The following ADAMTS1 variants were observed in gnomAD, a reference collection of about 807,000 sequenced individuals.
ADAMTS1 encodes the protein ADAM metallopeptidase with thrombospondin type 1 motif 1.
In ADAMTS1, 19 loss-of-function variants were observed where a neutral mutation model predicts 87.9. That is an observed-to-expected ratio of 0.22 (90% CI 0.15 to 0.32). The LOEUF is 0.32. Among genes scored for constraint, ADAMTS1 ranks in the 10% least tolerant of loss-of-function variants. The pLI is 1.00. For synonymous variants in ADAMTS1, 542 were observed against 501.8 expected, an observed-to-expected ratio of 1.08 and a Z score of -1.07; for missense variants, 1,240 against 1,259.1, an observed-to-expected ratio of 0.98 and a Z score of 0.23.
chr21:26,841,502 A>G, intron 3 of ADAMTS1: 1 of 253,478 alleles, frequency 3.9e-6, no homozygotes. Context: ...ATAAAATAAA[A>G]TATGGATGAT....
At chr21:26,842,312 T>A in intron 2 of ADAMTS1, 27 bp downstream of exon 2, 1 of 1,601,664 alleles carries the variant, frequency 6.2e-7, no homozygotes, top group Non-Finnish European at 8.5e-7. Flanking sequence ...GAGGACAGTC[T>A]CACAGCTGGT....
chr21:26,838,308 C>G (rs1568809595), intron 8 of ADAMTS1, 30 bp from the exon 9 acceptor site: 1 of 1,580,704 alleles, frequency 6.3e-7, no homozygotes, highest in Admixed American at 1.8e-5. Context: ...GCATAAATCT[C>G]TGATTCATTG....
At position 26,839,689 on chromosome 21, in the gene ADAMTS1, C is replaced by T. The variant is rs371016638; in HGVS notation, c.1926G>A (p.Ala642=). The change falls in exon 7 of 9, where the codon GCG becomes GCA. Residue 642 remains alanine, a synonymous_variant. Transcript: ENST00000284984. ...FSKASFGSGP[A]VEWIPKYAGV... ...CAGCGTACTTGGGAATCCATTCCAC[C>T]GCAGGCCCACTCCCAAAGGAAGCTT... The T allele has an allele frequency of 4.6e-5, 75 of 1,613,692 alleles. No homozygotes were observed. The highest frequency in any genetic ancestry group is 1.6e-4 in the Middle Eastern group (1 of 6,082).
In ADAMTS1 at chr21:26,836,974, A is replaced by G. The variant is rs948472933; in HGVS notation, c.*605T>C. Reference sequence around the variant, plus strand: ...AGATGGTCCAAAAAAGGAAAGAGGAAGCCATTTGCGTTATTTCACGTTGCT... The same window carrying G: ...AGATGGTCCAAAAAAGGAAAGAGGAGGCCATTTGCGTTATTTCACGTTGCT... On this transcript the variant is annotated 3_prime_UTR_variant, in exon 9 of 9. Coordinates refer to ENST00000284984, the MANE Select transcript of ADAMTS1 (RefSeq NM_006988.5). 1.3e-5 allele frequency: 2 copies of G among 152,390 alleles called. No individual in the cohort carries two copies. The highest frequency in any genetic ancestry group is 6.5e-5 in the Admixed American group (1 of 15,312). 9.4% of individuals were successfully genotyped at this position (152,390 alleles called of 1,614,324 possible).
intron 1 of ADAMTS1, among the ~76,000 whole-genome samples, 183 bp downstream of exon 1, chr21:26,844,042 G>T (rs1385434626): frequency 1.3e-5 from 2 of 152,176 alleles, no homozygotes. Flanking sequence ...GCAAATGCAA[G>T]TATGTTTTCT....
At chr21:26,841,787 C>T in intron 3 of ADAMTS1, 71 bp downstream of exon 3, 2 of 1,526,436 alleles carry the variant, frequency 1.3e-6, no homozygotes, top group East Asian at 2.3e-5. Context: ...CCTACAGACT[C>T]TCCTTCTTAT....
Position 26,838,469 on chromosome 21 carries a change from T to C in ADAMTS1, c.2174A>G (p.Lys725Arg), listed in dbSNP as rs1319042544. The C allele has an allele frequency of 3.7e-6, 6 of 1,614,248 alleles. No homozygotes were observed. The highest frequency in any genetic ancestry group is 5.1e-6 in the Non-Finnish European group (6 of 1,180,048). The part of the protein sequence containing the change: ...GVCGGNGSTC[K>R]KISGSVTSAK... ...ACTAGTAACTGATCCTGATATTTTT[T>C]TACAAGTAGATCCATTTCCCCCGCA... Residue 725 changes from lysine to arginine, a missense_variant, in exon 8 of 9, where the codon AAA becomes AGA. This residue lies in a region of ADAMTS1 where 402 missense variants were observed against 399.1 expected (regional missense o/e 1.01). Transcript: ENST00000284984.
Position 26,838,275 on chromosome 21 carries a change from A to T in ADAMTS1, c.2208T>A (p.Pro736=). ...GAATTGTGATGATATCATGATATCCAGGTCTGCAGGTGACAAAAACAGGCA... is the reference window on the plus strand; with the variant it reads ...GAATTGTGATGATATCATGATATCCTGGTCTGCAGGTGACAAAAACAGGCA... The part of the protein sequence containing the change: ...KISGSVTSAK[P]GYHDIITIPT... The change falls in exon 9 of 9, where the codon CCT becomes CCA. Residue 736 remains proline, a synonymous_variant. Coordinates refer to ENST00000284984, the MANE Select transcript of ADAMTS1 (RefSeq NM_006988.5). The T allele has an allele frequency of 6.3e-7, 1 of 1,598,922 alleles. No individual in the cohort carries two copies. The highest frequency in any genetic ancestry group is 8.5e-7 in the Non-Finnish European group (1 of 1,171,144).
chr21:26,837,363 G>C lies in ADAMTS1; in HGVS notation c.*216C>G. 1.8e-6 allele frequency: 1 copy of C among 565,118 alleles called. No homozygotes were observed. Among genetic ancestry groups the C allele is most frequent in the East Asian group, 2.8e-5 (1 of 35,302 alleles). The allele number at this position is 565,118 out of a possible 1,614,324, so 35.0% of individuals were successfully genotyped here. The stretch of plus-strand genomic sequence containing the variant: ...TTATTATGCTATATCACTGCTCAGA[G>C]GTTAATAATCCTCACTAACTATCCT... On this transcript the variant is annotated 3_prime_UTR_variant, in exon 9 of 9. Coordinates refer to ENST00000284984, the MANE Select transcript of ADAMTS1 (RefSeq NM_006988.5).
At chr21:26,838,755 T>TAA in intron 7 of ADAMTS1, 141 bp from the exon 8 acceptor site, 2 of 773,780 alleles carry the variant, frequency 2.6e-6, no homozygotes, top group Non-Finnish European at 4.0e-6. Flanking sequence ...ATTTCATGCA[T>TAA]TTACCCTTCA....
chr21:26,839,328 A>G, intron 7 of ADAMTS1: 1 of 329,788 alleles, frequency 3.0e-6, no homozygotes, highest in Non-Finnish European at 5.5e-6. Context: ...TTGACTGTCC[A>G]AAAAGCTTTT....
Position 26,838,085 on chromosome 21 carries a change from T to C in ADAMTS1, c.2398A>G (p.Arg800Gly). The change falls in exon 9 of 9, where the codon AGG becomes GGG. Residue 800 changes from arginine (R) to glycine (G), a missense_variant. By Grantham distance (125) the Arg-to-Gly change is moderately radical. Around this residue, in one of 3 missense-constraint regions of ADAMTS1, gnomAD observed 402 missense variants for 399.1 expected, o/e 1.01. Transcript: ENST00000284984. The stretch of plus-strand genomic sequence containing the variant: ...AATGCCGCAGAGGAGCCGCTGTACC[T>C]CAAGACAACACCTTTGTACATAATG... ...QDIMYKGVVLRYSGSSAALER... is the reference protein window; with the variant it reads ...QDIMYKGVVLGYSGSSAALER... 1 of 1,614,148 alleles carries C rather than the reference T, an allele frequency of 6.2e-7. No homozygotes were observed. Among genetic ancestry groups the C allele is most frequent in the Non-Finnish European group, 8.5e-7 (1 of 1,180,016 alleles).
rs1985572754 is a variant in ADAMTS1, at chr21:26,844,533, A to G, written c.422T>C (p.Leu141Pro). The G allele has an allele frequency of 1.2e-6, 2 of 1,604,460 alleles. No homozygotes were observed. The change falls in exon 1 of 9, where the codon CTC becomes CCC. Residue 141 changes from leucine to proline, a missense_variant. This residue lies in a region of ADAMTS1 where 521 missense variants were observed against 449.7 expected (regional missense o/e 1.16). Transcript: ENST00000284984. ...GAAGGCGCCGCGCACGCCCTCGCAG[A>G]GGCTGAGGGCGGCAGCCGAGCTGGG... ...GDPSSAAALS[L>P]CEGVRGAFYL...
chr21:26,841,004 C>T lies in ADAMTS1; in HGVS notation c.1372G>A (p.Gly458Ser). ...AYMITSFLDN[G>S]HGECLMDKPQ... Reference sequence around the variant, plus strand: ...AGTAGCTGGAATATCTCACCATGACCATTATCCAGAAATGATGTAATCATG... The same window carrying T: ...AGTAGCTGGAATATCTCACCATGACTATTATCCAGAAATGATGTAATCATG... The change falls in exon 4 of 9, where the codon GGT becomes AGT. Residue 458 changes from glycine to serine, a missense_variant. Around this residue, in one of 3 missense-constraint regions of ADAMTS1, gnomAD observed 317 missense variants for 410.3 expected, o/e 0.77. Coordinates refer to ENST00000284984, the MANE Select transcript of ADAMTS1 (RefSeq NM_006988.5). The T allele has an allele frequency of 6.2e-7, 1 of 1,613,788 alleles. No homozygotes were observed. The highest frequency in any genetic ancestry group is 8.5e-7 in the Non-Finnish European group (1 of 1,179,744).
chr21:26,839,926 T>G lies in ADAMTS1; in HGVS notation c.1801A>C (p.Lys601Gln). 6.2e-7 allele frequency: 1 copy of G among 1,614,148 alleles called. No homozygotes were observed. Among genetic ancestry groups the G allele is most frequent in the Non-Finnish European group, 8.5e-7 (1 of 1,180,032 alleles). Residue 601 changes from lysine (K) to glutamine (Q), a missense_variant, in exon 6 of 9, where the codon AAA (lysine) becomes CAA (glutamine). Around this residue, in one of 3 missense-constraint regions of ADAMTS1, gnomAD observed 317 missense variants for 410.3 expected, o/e 0.77. Coordinates refer to ENST00000284984, the MANE Select transcript of ADAMTS1 (RefSeq NM_006988.5). ...TTACAGGATCTGTAGCGCACTCGTT[T>G]GCCTTCACAGTACTTCCCTCCATTC... ...PKNGGKYCEG[K>Q]RVRYRSCNLE...
chr21:26,837,715 G>GTCTT lies in ADAMTS1; in HGVS notation c.2764_2767dup (p.Thr923LysfsTer18). 6.2e-7 allele frequency: 1 copy of GTCTT among 1,614,130 alleles called. No homozygotes were observed. The highest frequency in any genetic ancestry group is 8.5e-7 in the Non-Finnish European group (1 of 1,180,030). On this transcript the variant is annotated frameshift_variant, in exon 9 of 9. Transcript: ENST00000284984. LOFTEE classifies it high-confidence loss of function. ...TCTTTTTTTGTAACCCTTCCCACAG[G>GTCTT]TCTTAGAACATGATGACCACTCCCC...
rs1190201858 is a variant in ADAMTS1 at position 26,844,378 on chromosome 21, C to T, written c.577G>A (p.Asp193Asn). 1.3e-6 allele frequency: 2 copies of T among 1,591,158 alleles called. No homozygotes were observed. The highest frequency in any genetic ancestry group is 1.3e-5 in the African/African-American group (1 of 74,526). ...ACGACCCCGCACGTGCCGCCGACGTCGCCCTGCCGATTCCGCCGCAGGAGG... is the reference window on the plus strand; with the variant it reads ...ACGACCCCGCACGTGCCGCCGACGTTGCCCTGCCGATTCCGCCGCAGGAGG... Reference protein sequence around the residue: ...FHLLRRNRQGDVGGTCGVVDD... With the variant: ...FHLLRRNRQGNVGGTCGVVDD... The change falls in exon 1 of 9, where the codon GAC becomes AAC. Residue 193 changes from aspartate (D) to asparagine (N), a missense_variant. Asp to Asn is a conservative substitution (Grantham distance 23, BLOSUM62 1). This residue lies in a region of ADAMTS1 where 521 missense variants were observed against 449.7 expected (regional missense o/e 1.16). Coordinates refer to ENST00000284984, the MANE Select transcript of ADAMTS1 (RefSeq NM_006988.5).
chr21:26,836,737 A>G lies in ADAMTS1; in HGVS notation c.*842T>C, dbSNP rs1985371982. On this transcript the variant is annotated 3_prime_UTR_variant, in exon 9 of 9. Coordinates refer to ENST00000284984, the MANE Select transcript of ADAMTS1 (RefSeq NM_006988.5). ...TTGTGTGATTGTACTGATTTTCATG[A>G]GACACAAGTTACTTCTTTACATCCA... is the stretch of plus-strand genomic sequence containing the variant. 6.6e-6 allele frequency: 1 copy of G among 152,502 alleles called. No homozygotes were observed. Among genetic ancestry groups the G allele is most frequent in the Non-Finnish European group, 1.5e-5 (1 of 68,042 alleles). 9.4% of individuals were successfully genotyped at this position (152,502 alleles called of 1,614,324 possible).
rs377465477 is a variant in ADAMTS1 at position 26,839,685 on chromosome 21, C to T, written c.1930G>A (p.Glu644Lys). ...ACGCCAGCGTACTTGGGAATCCATTCCACCGCAGGCCCACTCCCAAAGGAA... is the reference window on the plus strand; with the variant it reads ...ACGCCAGCGTACTTGGGAATCCATTTCACCGCAGGCCCACTCCCAAAGGAA... ...KASFGSGPAV[E>K]WIPKYAGVSP... Residue 644 changes from glutamate to lysine, a missense_variant, in exon 7 of 9, where the codon GAA (glutamate) becomes AAA (lysine). Coordinates refer to ENST00000284984, the MANE Select transcript of ADAMTS1 (RefSeq NM_006988.5). 2 of 1,613,858 alleles carry T rather than the reference C, an allele frequency of 1.2e-6. No homozygotes were observed. The highest frequency in any genetic ancestry group is 1.7e-6 in the Non-Finnish European group (2 of 1,179,784).
Sources: gnomAD v4.1 joint callset for allele counts (sites outside exome capture counted in the v4.1 genomes callset) on GRCh38, gnomAD v4.1.1 for gene constraint, gnomAD v4.1.1 regional missense constraint, MANE v1.5 for transcripts, NCBI Gene and HGNC (gene_info 2026-07-23, HGNC 2026-07-21) for gene names.